The following SLC29A3 variants were observed in gnomAD, a reference collection of about 807,000 sequenced individuals.
SLC29A3 encodes solute carrier family 29 member 3.
In SLC29A3, 18 loss-of-function variants were observed where a neutral mutation model predicts 25.4. That is an observed-to-expected ratio of 0.71 (90% CI 0.49 to 1.05). The LOEUF is 1.05. Ranked by LOEUF, SLC29A3 falls within the 50% of genes least tolerant of loss-of-function variation. SLC29A3 has a pLI of 0.00. For missense variants in SLC29A3, 586 were observed against 609.0 expected, an observed-to-expected ratio of 0.96 and a Z score of 0.40; for synonymous variants, 258 against 267.1, an observed-to-expected ratio of 0.97 and a Z score of 0.33.
intron 2 of SLC29A3, among the ~76,000 whole-genome samples, chr10:71,340,509 G>A (rs1110399): frequency 0.74 from 112,940 of 152,108 alleles, 43,932 homozygotes; most frequent in Non-Finnish European, 0.88. Context: ...TTGGTTGTAG[G>A]GGTAGAACAA....
intron 2 of SLC29A3, 77 bp downstream of exon 2, chr10:71,323,131 A>C: frequency 6.4e-7 from 1 of 1,564,374 alleles, no homozygotes; most frequent in Non-Finnish European, 8.8e-7. Flanking sequence ...GAAGATGGAG[A>C]TTTCAGACAC....
At chr10:71,334,235 A>G (rs560189968) in intron 2 of SLC29A3, among the ~76,000 whole-genome samples, 24 of 152,362 alleles carry the variant, frequency 1.6e-4, no homozygotes, top group Admixed American at 2.6e-4. Context: ...TGGGCCCCAC[A>G]GTCTCTGTTT....
At chr10:71,343,674 G>A (rs1311742030) in intron 2 of SLC29A3, among the ~76,000 whole-genome samples, 1 of 152,176 alleles carries the variant, frequency 6.6e-6, no homozygotes, top group Non-Finnish European at 1.5e-5. Flanking sequence ...ACCCAAGCGA[G>A]CGGTGCCTCA....
At chr10:71,349,171 C>T (rs778648568) in intron 3 of SLC29A3, among the ~76,000 whole-genome samples, 1 of 152,154 alleles carries the variant, frequency 6.6e-6, no homozygotes, top group Non-Finnish European at 1.5e-5. Context: ...CCATATCATT[C>T]CCAGCTTGAA....
intron 5 of SLC29A3, among the ~76,000 whole-genome samples, chr10:71,357,387 C>T (rs1846942986): frequency 6.6e-6 from 1 of 152,042 alleles, no homozygotes. Flanking sequence ...TGCACTCCAG[C>T]CTGGGCGACA....
At position 71,322,955 on chromosome 10, in the gene SLC29A3, A is replaced by G. The variant is rs758690790; in HGVS notation, c.201A>G (p.Pro67=). Residue 67 remains proline (P), a synonymous_variant, in exon 2 of 6, where the codon CCA becomes CCG. Transcript: ENST00000373189. ...GCCTGGGCATTGGCAGTCTACTGCC[A>G]TGGAACTTCTTTATCACTGCCAAGG... The part of the protein sequence containing the change: ...FFSLGIGSLL[P]WNFFITAKEY... The G allele has an allele frequency of 1.2e-6, 2 of 1,614,218 alleles. No individual in the cohort carries two copies. Among genetic ancestry groups the G allele is most frequent in the Non-Finnish European group, 1.7e-6 (2 of 1,180,046 alleles).
intron 1 of SLC29A3, among the ~76,000 whole-genome samples, chr10:71,321,636 G>A (rs1214401988): frequency 6.6e-6 from 1 of 152,238 alleles, no homozygotes; most frequent in Non-Finnish European, 1.5e-5. Flanking sequence ...CTGCTTATAG[G>A]CCAGGCATTG....
At chr10:71,374,514 T>C (rs1847235225) in intron 3 of SLC29A3, among the ~76,000 whole-genome samples, 1 of 151,472 alleles carries the variant, frequency 6.6e-6, no homozygotes, top group African/African-American at 2.4e-5. Flanking sequence ...AGAGGCTCCA[T>C]GTTGGGGTGT....
Position 71,362,890 on chromosome 10 carries a change from CCTT to C in SLC29A3, c.*286_*288del. The C allele has an allele frequency of 1.6e-6, 1 of 619,710 alleles. No homozygotes were observed. Among genetic ancestry groups the C allele is most frequent in the East Asian group, 3.4e-5 (1 of 29,182 alleles). The allele number at this position is 619,710 out of a possible 1,614,324, so 38.4% of individuals were successfully genotyped here. ...TTCACAGCTGATGGTTAACATTCCA[CCTT>C]CTTTCTAGCCCTTCAAAGATGCTGC... On this transcript the variant is annotated 3_prime_UTR_variant, in exon 6 of 6. Transcript: ENST00000373189.
intron 5 of SLC29A3, among the ~76,000 whole-genome samples, chr10:71,357,556 A>T (rs910132965): frequency 1.3e-5 from 2 of 152,100 alleles, no homozygotes; most frequent in Non-Finnish European, 2.9e-5. Context: ...CAGCACAAAG[A>T]GGTTAAATTA....
intron 3 of SLC29A3, among the ~76,000 whole-genome samples, chr10:71,372,160 G>A (rs1051206460): frequency 3.3e-5 from 5 of 152,168 alleles, no homozygotes; most frequent in South Asian, 2.1e-4. Flanking sequence ...GCATCTTCAC[G>A]GTGAACTTCT....
chr10:71,363,502 C>G (rs991963969), downstream of SLC29A3: 11 of 373,194 alleles, frequency 2.9e-5, no homozygotes, highest in Non-Finnish European at 5.3e-5. Flanking sequence ...ATTGCTCTGT[C>G]ACCCAGGCTG....
In SLC29A3 at chr10:71,373,109, G is replaced by C. The variant is rs534093211; in HGVS notation, c.*95-2586G>C. Among the ~76,000 whole-genome samples the C allele has an allele frequency of 1.7e-4, 26 of 152,350 alleles. 1 individual carries two copies. The South Asian group carries it at 5.4e-3, about 32-fold the overall frequency. The stretch of plus-strand genomic sequence containing the variant: ...TGTCCTCTGGAATTCATTAGCTGCT[G>C]AGGTGATGTTAACTGTTTTTCATTT... On this transcript the variant is annotated intron_variant and NMD_transcript_variant, in intron 3 of 4. Coordinates refer to the SLC29A3 transcript ENST00000642772.
intron 2 of SLC29A3, among the ~76,000 whole-genome samples, chr10:71,338,932 A>G (rs1450017979): frequency 6.6e-6 from 1 of 152,144 alleles, no homozygotes; most frequent in East Asian, 1.9e-4. Context: ...CTTCCTGGTG[A>G]TGCACCGCGA....
At chr10:71,338,649 C>T (rs1441102456) in intron 2 of SLC29A3, among the ~76,000 whole-genome samples, 6 of 152,014 alleles carry the variant, frequency 3.9e-5, no homozygotes, top group South Asian at 2.1e-4. Context: ...CCCAGCTACT[C>T]GGGAGGCTGA....
chr10:71,352,801 C>T (rs1283265328), intron 4 of SLC29A3: 4 of 152,260 alleles, frequency 2.6e-5, no homozygotes, highest in African/African-American at 9.7e-5. Flanking sequence ...ACATCTCTCA[C>T]CCAGATGACC....
rs545272612 is a variant in SLC29A3, at chr10:71,361,241, C to A, written c.774-713C>A. On this transcript the variant is annotated intron_variant, in intron 5 of 5. Transcript: ENST00000373189. ...ACTATATTGAACAACTGGGCTCAAG[C>A]AATCCTCCTGCCTCAGCCTCCCCAG... is the stretch of plus-strand genomic sequence containing the variant. Among the ~76,000 whole-genome samples, 444 of 152,334 alleles carry A rather than the reference C, an allele frequency of 2.9e-3. 3 individuals are homozygous for A. The highest frequency in any genetic ancestry group is 5.3e-3 in the Non-Finnish European group (360 of 68,026).
In SLC29A3 at chr10:71,362,193, G is replaced by C; in HGVS notation, c.1013G>C (p.Gly338Ala). Residue 338 changes from glycine to alanine, a missense_variant, in exon 6 of 6, where the codon GGC becomes GCC. Transcript: ENST00000373189. Reference sequence around the variant, plus strand: ...ATCGAGTCCCTCAACAAGGGTTCGGGCTCACTGTGGACCACCAAGTTTTTC... The same window carrying C: ...ATCGAGTCCCTCAACAAGGGTTCGGCCTCACTGTGGACCACCAAGTTTTTC... ...TNIESLNKGSGSLWTTKFFIP... is the reference protein window; with the variant it reads ...TNIESLNKGSASLWTTKFFIP... 3 of 1,614,090 alleles carry C rather than the reference G, an allele frequency of 1.9e-6. No homozygotes were observed. Among genetic ancestry groups the C allele is most frequent in the Non-Finnish European group, 2.5e-6 (3 of 1,180,008 alleles).
chr10:71,334,096 G>A (rs775522726), intron 2 of SLC29A3, among the ~76,000 whole-genome samples: 2 of 152,212 alleles, frequency 1.3e-5, no homozygotes, highest in Non-Finnish European at 2.9e-5. Context: ...TTCTGTTTCT[G>A]ACTGTGTTTC....
Sources: allele counts gnomAD v4.1 joint callset (sites outside exome capture counted in the v4.1 genomes callset), GRCh38; gene constraint gnomAD v4.1.1; transcripts MANE v1.5; gene names NCBI Gene and HGNC (gene_info 2026-07-23, HGNC 2026-07-21).